Variants in LYPLAL1 observed in about 807,000 individuals in gnomAD.
LYPLAL1 encodes the protein lysophospholipase-like protein 1.
A neutral mutation model predicts 19.7 loss-of-function variants in LYPLAL1; 23 were observed. That is an observed-to-expected ratio of 1.17 (90% CI 0.84 to 1.65). The LOEUF is 1.65. LYPLAL1 is among the 40% of genes most tolerant of loss of function. The pLI is 0.00. For synonymous variants in LYPLAL1, 119 were observed against 96.3 expected (o/e 1.24, Z -1.38); for missense variants, 355 against 279.4 (o/e 1.27, Z -1.93).
chr1:219,329,299 G>A, the LYPLAL1 span, among the ~76,000 whole-genome samples: 1 of 152,218 alleles, frequency 6.6e-6, no homozygotes, highest in South Asian at 2.1e-4. Flanking sequence ...AATATGAAAA[G>A]TCTTAACATG....
chr1:219,185,772 T>G (rs1656673111), intron 2 of LYPLAL1, among the ~76,000 whole-genome samples: 2 of 151,966 alleles, frequency 1.3e-5, no homozygotes, highest in South Asian at 4.1e-4. Context: ...TTGGTCTTAT[T>G]ACCGTAACAC....
chr1:219,438,013 C>T, the LYPLAL1 span, among the ~76,000 whole-genome samples: 1 of 152,022 alleles, frequency 6.6e-6, no homozygotes, highest in Non-Finnish European at 1.5e-5. Flanking sequence ...GTGATCCAAC[C>T]GCCTCGGCCT....
chr1:219,430,887 G>A, the LYPLAL1 span, among the ~76,000 whole-genome samples: 8 of 152,082 alleles, frequency 5.3e-5, no homozygotes, highest in Admixed American at 2.0e-4. Flanking sequence ...ATATTGCCCA[G>A]GCTGGTCTCA....
At chr1:219,264,610 G>T in the LYPLAL1 span, among the ~76,000 whole-genome samples, 1 of 152,162 alleles carries the variant, frequency 6.6e-6, no homozygotes, top group African/African-American at 2.4e-5. Context: ...TGGGTTGGGG[G>T]TGGGCAGTCT....
the LYPLAL1 span, among the ~76,000 whole-genome samples, chr1:219,349,675 A>C: frequency 6.6e-6 from 1 of 152,174 alleles, no homozygotes; most frequent in African/African-American, 2.4e-5. Flanking sequence ...GTAGTGATCA[A>C]GAGGGCAGCA....
the LYPLAL1 span, among the ~76,000 whole-genome samples, chr1:219,218,241 G>A: frequency 6.6e-6 from 1 of 151,954 alleles, no homozygotes; most frequent in African/African-American, 2.4e-5. Context: ...ACTTTGATAT[G>A]TAAAATAAAA....
the LYPLAL1 span, chr1:219,409,413 A>T: frequency 7.4e-6 from 1 of 135,734 alleles, no homozygotes; most frequent in South Asian, 2.5e-4. Flanking sequence ...GTGCCATTGC[A>T]CTCCAGCCTG....
chr1:219,442,838 A>G, the LYPLAL1 span, among the ~76,000 whole-genome samples: 4 of 152,174 alleles, frequency 2.6e-5, no homozygotes, highest in East Asian at 7.7e-4. Context: ...ATGGTAAGAA[A>G]GTTTTGTGAT....
the LYPLAL1 span, among the ~76,000 whole-genome samples, chr1:219,384,069 C>T: frequency 6.6e-6 from 1 of 152,168 alleles, no homozygotes; most frequent in Non-Finnish European, 1.5e-5. Flanking sequence ...TCTTATAAGA[C>T]AAGTTTCACT....
Position 219,202,611 on chromosome 1 carries a change from A to G in LYPLAL1, c.362-7921A>G, listed in dbSNP as rs2125094991. Among the ~76,000 whole-genome samples the G allele has an allele frequency of 1.3e-5, 2 of 152,366 alleles. 1 individual carries two copies. The highest frequency in any genetic ancestry group is 4.1e-4 in the South Asian group (2 of 4,832). On this transcript the variant is annotated intron_variant, in intron 3 of 4. Coordinates refer to ENST00000366928, the MANE Select transcript of LYPLAL1 (RefSeq NM_138794.5). ...GAAGGAGGGATTCAGTGGGAAATAAAAGAAAAATGCATTTGAGATTCCAAA... is the reference window on the plus strand; with the variant it reads ...GAAGGAGGGATTCAGTGGGAAATAAGAGAAAAATGCATTTGAGATTCCAAA...
chr1:219,364,355 A>G, the LYPLAL1 span, among the ~76,000 whole-genome samples: 3 of 151,914 alleles, frequency 2.0e-5, no homozygotes, highest in Non-Finnish European at 4.4e-5. Flanking sequence ...AAATCTGCCT[A>G]TTTTCCATTT....
chr1:219,241,134 CTATATATATATA>C, the LYPLAL1 span, among the ~76,000 whole-genome samples: 4 of 44,360 alleles, frequency 9.0e-5, no homozygotes, highest in Admixed American at 3.5e-4. Context: ...CTCTCTCTCT[CTATATATATATA>C]TATATATATA....
chr1:219,349,846 C>T, the LYPLAL1 span, among the ~76,000 whole-genome samples: 2 of 152,320 alleles, frequency 1.3e-5, no homozygotes, highest in East Asian at 3.9e-4. Flanking sequence ...ACTCAAGCCT[C>T]TCACTGTGTA....
Position 219,210,600 on chromosome 1 carries a change from G to C in LYPLAL1, c.430G>C (p.Val144Leu), listed in dbSNP as rs2125117866. Residue 144 changes from valine (V) to leucine (L), a missense_variant, in exon 4 of 5, where the codon GTA (valine) becomes CTA (leucine). Physicochemically the swap from Val to Leu is conservative, Grantham distance 32. Transcript: ENST00000366928. The stretch of plus-strand genomic sequence containing the variant: ...TAGAAATCATCAAGATGTGGCAGGA[G>C]TATTTGCTCTTTCTAGTTTTCTGAA... ...AYRNHQDVAG[V>L]FALSSFLNKA... The C allele has an allele frequency of 6.2e-7, 1 of 1,610,404 alleles. No homozygotes were observed. The highest frequency in any genetic ancestry group is 8.5e-7 in the Non-Finnish European group (1 of 1,177,892).
chr1:219,204,152 T>A (rs904904869), intron 3 of LYPLAL1, among the ~76,000 whole-genome samples: 1 of 152,208 alleles, frequency 6.6e-6, no homozygotes, highest in Non-Finnish European at 1.5e-5. Flanking sequence ...GTTGATTTTT[T>A]AAAATTTATT....
chr1:219,395,350 T>C, the LYPLAL1 span, among the ~76,000 whole-genome samples: 1 of 152,228 alleles, frequency 6.6e-6, no homozygotes, highest in Non-Finnish European at 1.5e-5. Flanking sequence ...TATTGTGGTT[T>C]TGATTTGCAT....
chr1:219,175,062 G>C (rs1655699787), intron 1 of LYPLAL1: 1 of 985,320 alleles, frequency 1.0e-6, no homozygotes, highest in Non-Finnish European at 1.2e-6. Flanking sequence ...AATTGGAAAG[G>C]TACTGGGCAG....
In LYPLAL1 at chr1:219,211,486, C is replaced by G; in HGVS notation, c.478-6C>G. On this transcript the variant is annotated splice_polypyrimidine_tract_variant and splice_region_variant and intron_variant, in intron 4 of 4. Coordinates refer to ENST00000366928, the MANE Select transcript of LYPLAL1 (RefSeq NM_138794.5). ...AACTTTTCTGTCTTTGTATCTTCTT[C>G]TCTAGGCTCTTCAGAAGAGTAATGG... 1 of 1,541,908 alleles carries G rather than the reference C, an allele frequency of 6.5e-7. No individual in the cohort carries two copies.
the LYPLAL1 span, among the ~76,000 whole-genome samples, chr1:219,422,868 A>G: frequency 9.5e-4 from 145 of 152,246 alleles, 1 homozygote; most frequent in African/African-American, 3.3e-3. Context: ...ATGTTGCTGT[A>G]TGTGTACCAA....
Sources: allele counts gnomAD v4.1 joint callset (sites outside exome capture counted in the v4.1 genomes callset), GRCh38; gene constraint gnomAD v4.1.1; transcripts MANE v1.5; gene names NCBI Gene and HGNC (gene_info 2026-07-23, HGNC 2026-07-21).